The following AAK1 variants were observed in gnomAD, a reference collection of about 807,000 sequenced individuals.
AAK1 encodes the protein AP2 associated kinase 1, also known as AP2-associated protein kinase 1.
Under a neutral mutation model 116.0 loss-of-function variants are expected in AAK1, and 37 were observed. The ratio of observed to expected loss-of-function variants is 0.32; its 90% CI spans 0.25 to 0.42. The LOEUF is 0.42. Ranked by LOEUF, AAK1 falls within the 10% of genes least tolerant of loss-of-function variation. AAK1 has a pLI of 1.00. For synonymous variants in AAK1, 458 were observed against 439.9 expected (o/e 1.04, Z -0.51); for missense variants, 919 against 1,170.6 (o/e 0.79, Z 3.14).
chr2:69,486,382 C>A (rs1485646332), intron 17 of AAK1, among the ~76,000 whole-genome samples: 1 of 152,116 alleles, frequency 6.6e-6, no homozygotes. Context: ...TTTAGGGGGG[C>A]TTATTTTCTG....
chr2:69,520,036 C>T (rs1669694079), intron 11 of AAK1: 1 of 218,700 alleles, frequency 4.6e-6, no homozygotes, highest in Admixed American at 4.1e-5. Flanking sequence ...TAGACCCAAG[C>T]AGGCATTTTT....
rs1674532135 is a variant in AAK1, at chr2:69,467,618, T to C, written c.*8251A>G. 1 of 985,446 alleles carries C rather than the reference T, an allele frequency of 1.0e-6. No homozygotes were observed. The highest frequency in any genetic ancestry group is 4.7e-5 in the South Asian group (1 of 21,292). The allele number at this position is 985,446 out of a possible 1,614,324, so 61.0% of individuals were successfully genotyped here. On this transcript the variant is annotated 3_prime_UTR_variant, in exon 22 of 22. Transcript: ENST00000409085. The stretch of plus-strand genomic sequence containing the variant: ...GGATAAGAATATTAGATACAATGAT[T>C]TGGAGCCATAGATGACCCAGAACCT...
intron 20 of AAK1, among the ~76,000 whole-genome samples, chr2:69,477,551 C>A (rs1674900992): frequency 6.6e-6 from 1 of 152,166 alleles, no homozygotes. Context: ...ATCACACGCA[C>A]TGAGGCCTCA....
chr2:69,549,343 TGGGTGA>T (rs1241578771), intron 3 of AAK1, among the ~76,000 whole-genome samples: 1 of 152,180 alleles, frequency 6.6e-6, no homozygotes, highest in Non-Finnish European at 1.5e-5. Flanking sequence ...CACTCCAGCC[TGGGTGA>T]CAGAGTGAGA....
At position 69,475,323 on chromosome 2, in the gene AAK1, T is replaced by C; in HGVS notation, c.*546A>G. The C allele has an allele frequency of 2.0e-6, 2 of 986,322 alleles. No individual in the cohort carries two copies. Among genetic ancestry groups the C allele is most frequent in the Non-Finnish European group, 2.4e-6 (2 of 830,426 alleles). 61.1% of individuals were successfully genotyped at this position (986,322 alleles called of 1,614,324 possible). A position where few individuals can be genotyped will look rare whatever the true frequency, so the allele number is the denominator to read the frequency against. ...CAAATATATACTACCAGTCAGTAAG[T>C]TTTACCCTTTCTTAAACCACACACC... On this transcript the variant is annotated 3_prime_UTR_variant, in exon 22 of 22. Coordinates refer to ENST00000409085, the MANE Select transcript of AAK1 (RefSeq NM_014911.5).
rs112147496 is a variant in AAK1, at chr2:69,550,751, G to C, written c.282+6109C>G. On this transcript the variant is annotated intron_variant, in intron 3 of 21. Transcript: ENST00000409085. ...TTGCCTCAGCCTCCTGAGTAGCTGG[G>C]ATTACATGTGTACACAATCACGCCC... Among the ~76,000 whole-genome samples the C allele has an allele frequency of 8.2e-3, 1,241 of 152,162 alleles. 14 individuals are homozygous for C. The highest frequency in any genetic ancestry group is 0.029 in the African/African-American group (1,190 of 41,500).
At chr2:69,622,840 T>C (rs1423539520) in intron 2 of AAK1, among the ~76,000 whole-genome samples, 1 of 152,110 alleles carries the variant, frequency 6.6e-6, no homozygotes, top group East Asian at 1.9e-4. Flanking sequence ...AGTGGGGACG[T>C]GGAGAACTTT....
intron 2 of AAK1, among the ~76,000 whole-genome samples, chr2:69,624,445 C>T (rs10185302): frequency 0.13 from 20,047 of 152,052 alleles, 3,059 homozygotes; most frequent in African/African-American, 0.36. Context: ...AAGCAGATTA[C>T]AGGGGATGAT....
intron 2 of AAK1, among the ~76,000 whole-genome samples, chr2:69,569,151 G>A (rs1671994770): frequency 6.6e-6 from 1 of 152,114 alleles, no homozygotes; most frequent in Admixed American, 6.5e-5. Flanking sequence ...GCATTCATTA[G>A]TCCCTTCGAG....
At chr2:69,606,296 G>A (rs1328106729) in intron 2 of AAK1, among the ~76,000 whole-genome samples, 1 of 152,148 alleles carries the variant, frequency 6.6e-6, no homozygotes, top group Non-Finnish European at 1.5e-5. Context: ...TGAACACAAG[G>A]ATGTGTATTA....
rs1264839481 is a variant in AAK1 at position 69,594,967 on chromosome 2, G to C, written c.164-37989C>G. On this transcript the variant is annotated intron_variant, in intron 2 of 21. Transcript: ENST00000409085. ...ACGCCACTTTCCCTGGGCATACAGA[G>C]AATCCTTGCCCTTTTTACTGTGTCA... is the stretch of plus-strand genomic sequence containing the variant. 4 of 840,722 alleles carry C rather than the reference G, an allele frequency of 4.8e-6. No individual in the cohort carries two copies. In the East Asian group the frequency reaches 9.8e-5, roughly 21 times the overall value. 52.1% of individuals were successfully genotyped at this position (840,722 alleles called of 1,614,324 possible).
chr2:69,471,171 A>C lies in AAK1; in HGVS notation c.*4698T>G. Reference sequence around the variant, plus strand: ...GTAGAATACTCACAGGAAAAGAGTAAATTCAGGTCACTACATCAAAGTGTG... The same window carrying C: ...GTAGAATACTCACAGGAAAAGAGTACATTCAGGTCACTACATCAAAGTGTG... On this transcript the variant is annotated 3_prime_UTR_variant, in exon 22 of 22. Transcript: ENST00000409085. 1 of 985,516 alleles carries C rather than the reference A, an allele frequency of 1.0e-6. No individual in the cohort carries two copies. Among genetic ancestry groups the C allele is most frequent in the Non-Finnish European group, 1.2e-6 (1 of 829,932 alleles). The allele number at this position is 985,516 out of a possible 1,614,324, so 61.0% of individuals were successfully genotyped here.
chr2:69,619,035 C>T (rs910945990), intron 2 of AAK1, among the ~76,000 whole-genome samples: 4 of 152,148 alleles, frequency 2.6e-5, no homozygotes, highest in South Asian at 2.1e-4. Context: ...TACACTGCTC[C>T]TTTGATTTCT....
At chr2:69,478,325 G>T (rs938665658) in intron 20 of AAK1, 2 of 152,278 alleles carry the variant, frequency 1.3e-5, no homozygotes, top group Non-Finnish European at 2.9e-5. Context: ...GACTGCAAAG[G>T]TATCTAGCTC....
intron 4 of AAK1, among the ~76,000 whole-genome samples, chr2:69,543,834 C>T (rs1053881129): frequency 2.6e-5 from 4 of 152,240 alleles, no homozygotes; most frequent in African/African-American, 7.2e-5. Context: ...ATGCAATTAA[C>T]TCTGAAAAAA....
chr2:69,613,712 G>C (rs1392178570), intron 2 of AAK1, among the ~76,000 whole-genome samples: 2 of 152,242 alleles, frequency 1.3e-5, no homozygotes, highest in Non-Finnish European at 2.9e-5. Context: ...GGCATGCCCA[G>C]AGAGGGCATG....
Position 69,465,629 on chromosome 2 carries a change from C to A in AAK1, c.*10240G>T. The A allele has an allele frequency of 7.7e-7, 1 of 1,290,876 alleles. No homozygotes were observed. The highest frequency in any genetic ancestry group is 1.2e-5 in the South Asian group (1 of 81,028). The allele number at this position is 1,290,876 out of a possible 1,614,324, so 80.0% of individuals were successfully genotyped here. On this transcript the variant is annotated 3_prime_UTR_variant, in exon 22 of 22. Transcript: ENST00000409085. Reference sequence around the variant, plus strand: ...CTTCTGGGCTATAGTGACGGGAATACTTGGATAAGGACTGGGGGCGGAATG... The same window carrying A: ...CTTCTGGGCTATAGTGACGGGAATAATTGGATAAGGACTGGGGGCGGAATG...
intron 2 of AAK1, among the ~76,000 whole-genome samples, chr2:69,601,324 G>A (rs1437528410): frequency 1.3e-5 from 2 of 152,250 alleles, no homozygotes; most frequent in Non-Finnish European, 2.9e-5. Flanking sequence ...AGCATAGGCT[G>A]TGTAACTGGG....
intron 1 of AAK1, 69 bp from the exon 2 acceptor site, chr2:69,643,343 A>T: frequency 8.1e-7 from 1 of 1,235,724 alleles, no homozygotes; most frequent in Non-Finnish European, 1.0e-6. Context: ...GCTGAGTCCT[A>T]GGGGGAGCAA....
Sources: allele counts gnomAD v4.1 joint callset (sites outside exome capture counted in the v4.1 genomes callset), GRCh38; gene constraint gnomAD v4.1.1; transcripts MANE v1.5; gene names NCBI Gene and HGNC (gene_info 2026-07-23, HGNC 2026-07-21).